CAPN8: variants seen among roughly 807,000 people sequenced by gnomAD.
CAPN8 encodes the protein calpain 8.
In CAPN8, 87 loss-of-function variants were observed where a neutral mutation model predicts 80.9. The observed-to-expected ratio is 1.07, with a 90% CI of 0.90 to 1.28. The LOEUF (loss-of-function observed/expected upper bound fraction) is 1.28. Among genes scored for constraint, CAPN8 ranks in the 50% most tolerant of loss-of-function variants. The probability of loss-of-function intolerance (pLI) is 0.00; values close to 1 mark genes in which losing one functional copy is unlikely to be tolerated. For missense variants in CAPN8, 757 were observed against 702.0 expected (o/e 1.08, Z -0.89); for synonymous variants, 299 against 273.8 (o/e 1.09, Z -0.91).
chr1:223,648,223 C>T (rs1658242449), intron 2 of CAPN8, among the ~76,000 whole-genome samples: 1 of 152,202 alleles, frequency 6.6e-6, no homozygotes. Context: ...CGCCGATGCG[C>T]CGCGGAGTAG....
intron 7 of CAPN8, among the ~76,000 whole-genome samples, chr1:223,621,614 G>A (rs910635232): frequency 2.0e-5 from 3 of 152,096 alleles, no homozygotes; most frequent in Non-Finnish European, 4.4e-5. Flanking sequence ...CTTCCTACAG[G>A]AGGCTCATGT....
Position 223,622,926 on chromosome 1 carries a change from G to A in CAPN8, c.814-26C>T, listed in dbSNP as rs1006176566. 2.2e-5 allele frequency: 34 copies of A among 1,528,638 alleles called. 1 individual carries two copies. The highest frequency in any genetic ancestry group is 1.8e-4 in the South Asian group (15 of 83,548). 94.7% of individuals were successfully genotyped at this position (1,528,638 alleles called of 1,614,324 possible). A position where few individuals can be genotyped will look rare whatever the true frequency, so the allele number is the denominator to read the frequency against. On this transcript the variant is annotated intron_variant, in intron 6 of 20. Transcript: ENST00000366872. ...CTGCAAATTCCATACACAGAAAAGCGACTGAATTACTATGCTCCTGTTGCC... is the reference window on the plus strand; with the variant it reads ...CTGCAAATTCCATACACAGAAAAGCAACTGAATTACTATGCTCCTGTTGCC...
In CAPN8 at chr1:223,615,543, C is replaced by T. The variant is rs1234509302; in HGVS notation, c.1311+427G>A. On this transcript the variant is annotated intron_variant, in intron 10 of 20. Coordinates refer to ENST00000366872, the MANE Select transcript of CAPN8 (RefSeq NM_001143962.2). The stretch of plus-strand genomic sequence containing the variant: ...CCTGTGTGCTCCAAGTGTCTCAAGG[C>T]CTCCCAGGGAATAGTTGTCTTTGGC... 2.6e-5 allele frequency among the ~76,000 whole-genome samples: 4 copies of T among 152,152 alleles called. No homozygotes were observed. The East Asian group carries it at 5.8e-4, about 22-fold the overall frequency.
At chr1:223,610,961 T>C (rs570514897) in intron 11 of CAPN8, among the ~76,000 whole-genome samples, 2 of 152,166 alleles carry the variant, frequency 1.3e-5, no homozygotes, top group African/African-American at 4.8e-5. Context: ...AAATCTGTGC[T>C]TCAACACGCC....
chr1:223,663,337 C>T (rs781044991), intron 1 of CAPN8, among the ~76,000 whole-genome samples: 21 of 152,038 alleles, frequency 1.4e-4, no homozygotes, highest in Non-Finnish European at 1.5e-4. Context: ...AAAATTTTCT[C>T]CCCCTCCTTC....
At chr1:223,661,277 A>G (rs1033517251) in intron 1 of CAPN8, among the ~76,000 whole-genome samples, 2 of 152,172 alleles carry the variant, frequency 1.3e-5, no homozygotes, top group African/African-American at 2.4e-5. Context: ...CTTTGGGGAA[A>G]TGCAAATCAA....
intron 2 of CAPN8, among the ~76,000 whole-genome samples, chr1:223,650,513 A>G (rs1372872728): frequency 1.3e-5 from 2 of 152,218 alleles, no homozygotes; most frequent in African/African-American, 4.8e-5. Context: ...GTTTACAATT[A>G]TACTGAGGGA....
Position 223,628,131 on chromosome 1 carries a change from G to A in CAPN8, c.438C>T (p.Tyr146=), listed in dbSNP as rs73123888. The change falls in exon 4 of 21, where the codon TAC becomes TAT. Residue 146 remains tyrosine, a synonymous_variant. Transcript: ENST00000366872. ...CAATGACCACCTCCACCCACTCTCC[G>A]TACTGCCAGAACTGGGGAGGGGGGA... ...AGIFHFQFWQ[Y]GEWVEVVIDD... is the part of the protein sequence containing the mutation. 3.3e-5 allele frequency: 51 copies of A among 1,547,330 alleles called. No individual in the cohort carries two copies. Among genetic ancestry groups the A allele is most frequent in the Middle Eastern group, 3.4e-4 (2 of 5,956 alleles).
intron 13 of CAPN8, among the ~76,000 whole-genome samples, chr1:223,557,580 G>A (rs1656933728): frequency 6.6e-6 from 1 of 152,180 alleles, no homozygotes; most frequent in African/African-American, 2.4e-5. Context: ...AAGGGAGTGA[G>A]GTGGTGAACC....
chr1:223,623,971 G>T (rs1227960463), intron 6 of CAPN8, among the ~76,000 whole-genome samples: 2 of 147,648 alleles, frequency 1.4e-5, no homozygotes. Flanking sequence ...CTGCACTCCA[G>T]CCTGGTGATA....
Position 223,549,216 on chromosome 1 carries a change from C to G in CAPN8, c.1764+102G>C. On this transcript the variant is annotated intron_variant, in intron 16 of 20. Transcript: ENST00000366872. ...CTCCATGCCTGCTCTCTCCCCTTCTCATTTTTTACCCGTCCCTTCCTTCTA... is the reference window on the plus strand; with the variant it reads ...CTCCATGCCTGCTCTCTCCCCTTCTGATTTTTTACCCGTCCCTTCCTTCTA... The G allele has an allele frequency of 3.4e-6, 5 of 1,458,770 alleles. No homozygotes were observed. In the South Asian group the frequency reaches 3.9e-5, roughly 11 times the overall value. The allele number at this position is 1,458,770 out of a possible 1,614,324, so 90.4% of individuals were successfully genotyped here.
At position 223,612,249 on chromosome 1, in the gene CAPN8, C is replaced by T. The variant is rs552094413; in HGVS notation, c.1320G>A (p.Lys440=). 655 of 1,234,276 alleles carry T rather than the reference C, an allele frequency of 5.3e-4. 3 individuals carry two copies. In the African/African-American group the frequency reaches 9.2e-3, roughly 17 times the overall value. The allele number at this position is 1,234,276 out of a possible 1,614,324, so 76.5% of individuals were successfully genotyped here. The change falls in exon 11 of 21, where the codon AAG becomes AAA. Residue 440 remains lysine, a synonymous_variant. Coordinates refer to ENST00000366872, the MANE Select transcript of CAPN8 (RefSeq NM_001143962.2). ...ATCTCTGTCAGCACTCACATACCTC[C>T]TTGGGAACCTGTGGGGCAGAAGAAA... is the stretch of plus-strand genomic sequence containing the variant. ...SIGYAVYQVP[K]ELESHTDAHL... is the part of the protein sequence containing the mutation.
chr1:223,542,856 G>GGCT (rs1656506259), intron 20 of CAPN8, among the ~76,000 whole-genome samples: 1 of 151,984 alleles, frequency 6.6e-6, no homozygotes, highest in South Asian at 2.1e-4. Flanking sequence ...AATTAACAAG[G>GGCT]GCTTGCATCT....
At chr1:223,610,898 C>A (rs1022422743) in intron 11 of CAPN8, among the ~76,000 whole-genome samples, 13 of 152,160 alleles carry the variant, frequency 8.5e-5, no homozygotes, top group African/African-American at 2.9e-4. Flanking sequence ...AATGCAAATT[C>A]TCAGGCCCCA....
In CAPN8 at chr1:223,544,856, G is replaced by A; in HGVS notation, c.1834-6C>T. 6.4e-7 allele frequency: 1 copy of A among 1,551,630 alleles called. No individual in the cohort carries two copies. Among genetic ancestry groups the A allele is most frequent in the Non-Finnish European group, 8.7e-7 (1 of 1,147,002 alleles). ...TCAGTTTCCCAATAGATCTCCTAAA[G>A]CAGGAAAGAAATCCCAAGTAGAAAA... On this transcript the variant is annotated splice_polypyrimidine_tract_variant and splice_region_variant and intron_variant, in intron 17 of 20. Coordinates refer to ENST00000366872, the MANE Select transcript of CAPN8 (RefSeq NM_001143962.2).
intron 10 of CAPN8, among the ~76,000 whole-genome samples, chr1:223,612,704 C>T (rs567641391): frequency 1.3e-4 from 20 of 152,122 alleles, no homozygotes; most frequent in Admixed American, 1.3e-3. Context: ...GGTTCAAGAA[C>T]AGGCACATGA....
chr1:223,619,458 G>A lies in CAPN8; in HGVS notation c.975-5C>T. On this transcript the variant is annotated splice_region_variant and splice_polypyrimidine_tract_variant and intron_variant, in intron 8 of 20. Coordinates refer to ENST00000366872, the MANE Select transcript of CAPN8 (RefSeq NM_001143962.2). ...ACGAAATCTGAAAGTGACATCCTGGGGCAGAGGCACCAGAGGGCTCTCAGT... is the reference window on the plus strand; with the variant it reads ...ACGAAATCTGAAAGTGACATCCTGGAGCAGAGGCACCAGAGGGCTCTCAGT... The A allele has an allele frequency of 1.3e-6, 2 of 1,551,526 alleles. No individual in the cohort carries two copies. The highest frequency in any genetic ancestry group is 1.7e-6 in the Non-Finnish European group (2 of 1,146,954).
chr1:223,625,097 A>T (rs1292817651), intron 6 of CAPN8, among the ~76,000 whole-genome samples: 1 of 152,136 alleles, frequency 6.6e-6, no homozygotes, highest in Admixed American at 6.5e-5. Flanking sequence ...CGTCTCAAAA[A>T]ATAAAAAATA....
Position 223,621,780 on chromosome 1 carries a change from G to A in CAPN8, c.899+1035C>T, listed in dbSNP as rs80210324. 3.9e-3 allele frequency among the ~76,000 whole-genome samples: 601 copies of A among 152,190 alleles called. 2 individuals carry two copies. Among genetic ancestry groups the A allele is most frequent in the Non-Finnish European group, 5.9e-3 (404 of 68,012 alleles). On this transcript the variant is annotated intron_variant, in intron 7 of 20. Transcript: ENST00000366872. ...GCATCACAGAGTACCGACAGCACTT[G>A]AGGATTAAGGACGTATTGGGAGGGG... is the stretch of plus-strand genomic sequence containing the variant.
Sources: allele counts gnomAD v4.1 joint callset (sites outside exome capture counted in the v4.1 genomes callset), GRCh38; gene constraint gnomAD v4.1.1; transcripts MANE v1.5; gene names NCBI Gene and HGNC (gene_info 2026-07-23, HGNC 2026-07-21).